LUZP1: variants seen among roughly 807,000 people sequenced by gnomAD.
LUZP1 encodes the protein leucine zipper protein 1, also known as filamin mechanobinding actin cross-linking protein.
In LUZP1, 25 loss-of-function variants were observed where a neutral mutation model predicts 71.3. The ratio of observed to expected loss-of-function variants is 0.35; its 90% CI spans 0.26 to 0.49. The LOEUF (loss-of-function observed/expected upper bound fraction) is 0.49, where lower values mean the gene tolerates loss of function less well. Ranked by LOEUF, LUZP1 falls within the 20% of genes least tolerant of loss-of-function variation. The pLI is 0.99. For synonymous variants in LUZP1, 481 were observed against 506.4 expected, an observed-to-expected ratio of 0.95 and a Z score of 0.67; for missense variants, 1,142 against 1,300.8, an observed-to-expected ratio of 0.88 and a Z score of 1.88.
At chr1:23,098,896 A>G (rs556487181) in intron 3 of LUZP1, among the ~76,000 whole-genome samples, 1 of 152,324 alleles carries the variant, frequency 6.6e-6, no homozygotes. Flanking sequence ...CTATAAGCCT[A>G]GAACCACCAG....
intron 2 of LUZP1, among the ~76,000 whole-genome samples, chr1:23,117,507 T>TG (rs1215139251): frequency 0.088 from 2,015 of 22,912 alleles, 111 homozygotes; most frequent in African/African-American, 0.16. Context: ...CAGGAAGCCC[T>TG]GGGGGGGGGG....
At position 23,110,635 on chromosome 1, in the gene LUZP1, T is replaced by TACACAC. The variant is rs1553137224; in HGVS notation, c.-225-1514_-225-1509dup. Among the ~76,000 whole-genome samples, 296 of 41,924 alleles carry TACACAC rather than the reference T, an allele frequency of 7.1e-3. 2 individuals are homozygous for TACACAC. The highest frequency in any genetic ancestry group is 0.017 in the African/African-American group (252 of 15,016). 27.5% of individuals were successfully genotyped at this position (41,924 alleles called of 152,430 possible). On this transcript the variant is annotated intron_variant, in intron 2 of 4. Coordinates refer to ENST00000302291, the Ensembl canonical transcript of LUZP1. Reference sequence around the variant, plus strand: ...GCGCGCATGCATGAACGCGCACACATACACACACACACACACACACACACA... The same window carrying TACACAC: ...GCGCGCATGCATGAACGCGCACACATACACACACACACACACACACACACACACACA...
intron 4 of LUZP1, chr1:23,090,810 C>G (rs1293255282): frequency 1.4e-6 from 1 of 713,210 alleles, no homozygotes; most frequent in African/African-American, 1.7e-5. Flanking sequence ...CGGGCCTCCT[C>G]CTGTTGCCCA....
chr1:23,106,937 T>C (rs544471275), intron 3 of LUZP1, among the ~76,000 whole-genome samples: 4 of 152,312 alleles, frequency 2.6e-5, no homozygotes, highest in Admixed American at 1.3e-4. Context: ...TAGAATACAA[T>C]GCACTCCAAA....
intron 3 of LUZP1, among the ~76,000 whole-genome samples, chr1:23,100,028 A>T (rs1643918745): frequency 6.6e-6 from 1 of 152,212 alleles, no homozygotes; most frequent in African/African-American, 2.4e-5. Flanking sequence ...TGCCTTCTTC[A>T]AACCCCAGGC....
intron 3 of LUZP1, among the ~76,000 whole-genome samples, chr1:23,097,171 T>C (rs1015247157): frequency 6.6e-6 from 1 of 152,164 alleles, no homozygotes; most frequent in African/African-American, 2.4e-5. Flanking sequence ...AAGGTGCTGA[T>C]CCCTAATACT....
chr1:23,146,651 T>G (rs1557680094), intron 2 of LUZP1, among the ~76,000 whole-genome samples: 1 of 151,430 alleles, frequency 6.6e-6, no homozygotes, highest in African/African-American at 2.4e-5. Context: ...AATACAAAAA[T>G]TAGGTGTAGT....
intron 2 of LUZP1, among the ~76,000 whole-genome samples, chr1:23,167,641 C>T (rs1644520388): frequency 6.6e-6 from 1 of 152,252 alleles, no homozygotes; most frequent in Non-Finnish European, 1.5e-5. Context: ...AAGGGGTTGA[C>T]GCGATGAAGA....
chr1:23,135,608 C>T (rs543099230), intron 2 of LUZP1, among the ~76,000 whole-genome samples: 3 of 152,112 alleles, frequency 2.0e-5, no homozygotes, highest in Non-Finnish European at 4.4e-5. Flanking sequence ...AGAGAGAACA[C>T]GGGTTGGGAT....
At chr1:23,171,932 C>G (rs946558904) in intron 1 of LUZP1, among the ~76,000 whole-genome samples, 1 of 152,194 alleles carries the variant, frequency 6.6e-6, no homozygotes, top group African/African-American at 2.4e-5. Context: ...TTATTCATAG[C>G]AAAAGCTTTG....
chr1:23,139,952 GAA>G (rs562378628), intron 2 of LUZP1, among the ~76,000 whole-genome samples: 1 of 131,824 alleles, frequency 7.6e-6, no homozygotes, highest in African/African-American at 2.8e-5. Flanking sequence ...TCTGTCTCAA[GAA>G]AAAAAAAAAA....
chr1:23,120,808 T>TA (rs1644123913), intron 2 of LUZP1, among the ~76,000 whole-genome samples: 1 of 152,212 alleles, frequency 6.6e-6, no homozygotes, highest in East Asian at 1.9e-4. Flanking sequence ...TTTGCTAACC[T>TA]AAGGCAAGCT....
intron 3 of LUZP1, among the ~76,000 whole-genome samples, chr1:23,102,748 C>T (rs1219010776): frequency 6.6e-6 from 1 of 151,980 alleles, no homozygotes; most frequent in Non-Finnish European, 1.5e-5. Flanking sequence ...TTGCTTGAGG[C>T]CAGGAGTTCA....
At chr1:23,101,463 C>T (rs997175834) in intron 3 of LUZP1, among the ~76,000 whole-genome samples, 13 of 151,060 alleles carry the variant, frequency 8.6e-5, no homozygotes, top group Admixed American at 1.3e-4. Context: ...GAATACCATA[C>T]TGTTTGGCCA....
chr1:23,137,001 C>G (rs1644260062), intron 2 of LUZP1, among the ~76,000 whole-genome samples: 1 of 152,198 alleles, frequency 6.6e-6, no homozygotes, highest in Non-Finnish European at 1.5e-5. Flanking sequence ...AACTGCATAA[C>G]AACAATGGTG....
At chr1:23,113,742 T>G (rs889269841) in intron 2 of LUZP1, among the ~76,000 whole-genome samples, 3 of 151,804 alleles carry the variant, frequency 2.0e-5, no homozygotes, top group Non-Finnish European at 4.4e-5. Flanking sequence ...TAGCCGGGTG[T>G]TGTGGCGCGC....
At chr1:23,116,572 C>T (rs529543759) in intron 2 of LUZP1, among the ~76,000 whole-genome samples, 2 of 140,860 alleles carry the variant, frequency 1.4e-5, no homozygotes, top group South Asian at 4.4e-4. Flanking sequence ...AAGTAAAAGA[C>T]CACTGGACTG....
At chr1:23,089,119 C>A in intron 4 of LUZP1, 66 bp from the exon 4 acceptor site, 1 of 1,512,014 alleles carries the variant, frequency 6.6e-7, no homozygotes, top group Non-Finnish European at 9.1e-7. Flanking sequence ...ACACCCTCAC[C>A]TGCTACCATA....
intron 2 of LUZP1, among the ~76,000 whole-genome samples, chr1:23,153,625 C>A (rs950717789): frequency 6.6e-6 from 1 of 152,152 alleles, no homozygotes; most frequent in Admixed American, 6.5e-5. Context: ...ACATGAAAAA[C>A]CCCTTTAATC....
Sources: gnomAD v4.1 joint callset for allele counts (sites outside exome capture counted in the v4.1 genomes callset) on GRCh38, gnomAD v4.1.1 for gene constraint, MANE v1.5 for transcripts, NCBI Gene and HGNC (gene_info 2026-07-23, HGNC 2026-07-21) for gene names.